CCDC85A: variants seen among roughly 807,000 people sequenced by gnomAD.
CCDC85A encodes coiled-coil domain-containing protein 85A.
A neutral mutation model predicts 50.2 loss-of-function variants in CCDC85A; 38 were observed. That is an observed-to-expected ratio of 0.76 (90% CI 0.58 to 0.99). CCDC85A has a LOEUF of 0.99. Ranked by LOEUF, CCDC85A falls within the 50% of genes least tolerant of loss-of-function variation. CCDC85A has a pLI of 0.00. For synonymous variants in CCDC85A, 366 were observed against 301.4 expected, an observed-to-expected ratio of 1.21 and a Z score of -2.22; for missense variants, 820 against 742.0, an observed-to-expected ratio of 1.11 and a Z score of -1.22.
intron 2 of CCDC85A, among the ~76,000 whole-genome samples, chr2:56,311,656 A>G (rs1672698176): frequency 6.6e-6 from 1 of 152,058 alleles, no homozygotes. Flanking sequence ...TGAGAATCTA[A>G]CCGCATGTTC....
chr2:56,357,708 C>A (rs1675308158), intron 3 of CCDC85A, among the ~76,000 whole-genome samples: 1 of 140,560 alleles, frequency 7.1e-6, no homozygotes, highest in South Asian at 2.2e-4. Flanking sequence ...AGGTTGCAGC[C>A]TGAAATGGAC....
intron 2 of CCDC85A, among the ~76,000 whole-genome samples, chr2:56,242,178 T>C (rs576679856): frequency 6.6e-6 from 1 of 152,324 alleles, no homozygotes; most frequent in Non-Finnish European, 1.5e-5. Flanking sequence ...TCTGGATTAT[T>C]ACATTTTTTC....
intron 2 of CCDC85A, among the ~76,000 whole-genome samples, chr2:56,226,520 T>C (rs932792048): frequency 6.6e-6 from 1 of 152,104 alleles, no homozygotes; most frequent in Non-Finnish European, 1.5e-5. Context: ...ATTTTTTTTT[T>C]CCTTTTAAAC....
intron 4 of CCDC85A, among the ~76,000 whole-genome samples, chr2:56,373,995 G>C (rs1676210266): frequency 6.6e-6 from 1 of 152,172 alleles, no homozygotes; most frequent in African/African-American, 2.4e-5. Context: ...TTTAACTTCA[G>C]ATAATTTCCC....
intron 2 of CCDC85A, among the ~76,000 whole-genome samples, chr2:56,309,148 T>G (rs1672575127): frequency 6.6e-6 from 1 of 152,208 alleles, no homozygotes. Context: ...AGAATTAAAC[T>G]TTTTATAAGA....
intron 2 of CCDC85A, among the ~76,000 whole-genome samples, chr2:56,204,153 G>A (rs960329743): frequency 6.6e-5 from 10 of 152,134 alleles, no homozygotes; most frequent in Non-Finnish European, 1.2e-4. Context: ...ACTTCATTAG[G>A]TGTAGATGGT....
At chr2:56,295,975 A>G (rs138824555) in intron 2 of CCDC85A, among the ~76,000 whole-genome samples, 14 of 152,306 alleles carry the variant, frequency 9.2e-5, no homozygotes, top group African/African-American at 3.4e-4. Flanking sequence ...GTAAGTGTTG[A>G]CATCTTTCTT....
chr2:56,189,297 G>GTTTTTTTTTTTTGTTT (rs1676192907), intron 1 of CCDC85A, among the ~76,000 whole-genome samples: 1 of 121,972 alleles, frequency 8.2e-6, no homozygotes, highest in Non-Finnish European at 1.6e-5. Context: ...TATTTTTGGT[G>GTTTTTTTTTTTTGTTT]TTTTTTTTTT....
At chr2:56,197,040 T>G (rs139466317) in intron 2 of CCDC85A, among the ~76,000 whole-genome samples, 5 of 152,324 alleles carry the variant, frequency 3.3e-5, no homozygotes, top group African/African-American at 4.8e-5. Flanking sequence ...TCACCTGCAT[T>G]AAACAAGGTC....
intron 2 of CCDC85A, among the ~76,000 whole-genome samples, chr2:56,288,184 A>T (rs1671534686): frequency 6.6e-6 from 1 of 152,176 alleles, no homozygotes; most frequent in South Asian, 2.1e-4. Flanking sequence ...TTGTGTGATG[A>T]ATAGTTTTCT....
intron 2 of CCDC85A, among the ~76,000 whole-genome samples, chr2:56,287,581 T>G (rs1671503298): frequency 1.3e-5 from 2 of 152,164 alleles, no homozygotes; most frequent in Non-Finnish European, 2.9e-5. Flanking sequence ...GAAGTTGAAG[T>G]CACATTCTTT....
intron 2 of CCDC85A, among the ~76,000 whole-genome samples, chr2:56,281,322 A>G (rs1171818063): frequency 2.0e-5 from 3 of 152,188 alleles, no homozygotes; most frequent in African/African-American, 7.2e-5. Flanking sequence ...ATTTGTTTAT[A>G]TACGGTTTTG....
rs1238729579 is a variant in CCDC85A, at chr2:56,184,909, G to C, written c.276+9G>C. On this transcript the variant is annotated intron_variant, in intron 1 of 5. Coordinates refer to ENST00000407595, the MANE Select transcript of CCDC85A (RefSeq NM_001080433.2). ...AGATCCGCGGCCTCAAGGTGAGCGC[G>C]GGCCAGGTGGGGAGGCGCGGCGCGG... 2.0e-6 allele frequency: 3 copies of C among 1,482,186 alleles called. No individual in the cohort carries two copies. Among genetic ancestry groups the C allele is most frequent in the Middle Eastern group, 2.4e-4 (1 of 4,226 alleles). The allele number at this position is 1,482,186 out of a possible 1,614,324, so 91.8% of individuals were successfully genotyped here.
At chr2:56,273,541 C>T (rs1026523051) in intron 2 of CCDC85A, among the ~76,000 whole-genome samples, 4 of 151,882 alleles carry the variant, frequency 2.6e-5, no homozygotes, top group South Asian at 2.1e-4. Context: ...TGAAAATGAT[C>T]AATCAAGTAT....
At chr2:56,371,574 G>C (rs1676073783) in intron 3 of CCDC85A, among the ~76,000 whole-genome samples, 1 of 151,950 alleles carries the variant, frequency 6.6e-6, no homozygotes, top group Non-Finnish European at 1.5e-5. Flanking sequence ...AGGTCTCTGT[G>C]AAAGTTGGCA....
intron 2 of CCDC85A, among the ~76,000 whole-genome samples, chr2:56,308,586 A>T (rs1672546896): frequency 6.6e-6 from 1 of 152,222 alleles, no homozygotes; most frequent in Non-Finnish European, 1.5e-5. Flanking sequence ...CAACTGAAAA[A>T]TAGGACCTAA....
intron 2 of CCDC85A, among the ~76,000 whole-genome samples, chr2:56,328,939 T>A (rs1420204451): frequency 6.6e-6 from 1 of 152,108 alleles, no homozygotes; most frequent in African/African-American, 2.4e-5. Context: ...ATGATCATTT[T>A]AAAATACAAA....
chr2:56,264,391 T>C (rs920947156), intron 2 of CCDC85A, among the ~76,000 whole-genome samples: 4 of 152,148 alleles, frequency 2.6e-5, no homozygotes, highest in African/African-American at 7.2e-5. Flanking sequence ...GGCAACACCA[T>C]CTTTTCTACT....
intron 2 of CCDC85A, among the ~76,000 whole-genome samples, chr2:56,295,854 A>G (rs1445925585): frequency 6.6e-6 from 1 of 152,176 alleles, no homozygotes; most frequent in Admixed American, 6.5e-5. Flanking sequence ...TGAGAAGGTG[A>G]GTTGCAGAGC....
Sources: gnomAD v4.1 joint callset for allele counts (sites outside exome capture counted in the v4.1 genomes callset) on GRCh38, gnomAD v4.1.1 for gene constraint, MANE v1.5 for transcripts, NCBI Gene and HGNC (gene_info 2026-07-23, HGNC 2026-07-21) for gene names.